TG: variants seen among roughly 807,000 people sequenced by gnomAD.
TG encodes the protein thyroglobulin.
A neutral mutation model predicts 324.7 loss-of-function variants in TG; 270 were observed. The observed-to-expected ratio is 0.83, with a 90% CI of 0.75 to 0.92. TG has a LOEUF of 0.92. Among genes scored for constraint, TG ranks in the 40% least tolerant of loss-of-function variants. The pLI is 0.00. For synonymous variants in TG, 1,401 were observed against 1,327.0 expected (o/e 1.06, Z -1.21); for missense variants, 3,591 against 3,456.4 (o/e 1.04, Z -0.98).
intron 35 of TG, chr8:133,002,224 A>AT: frequency 1.0e-6 from 1 of 985,460 alleles, no homozygotes; most frequent in Non-Finnish European, 1.2e-6. Context: ...CTCACCTGTC[A>AT]TTACCTGCCA....
At chr8:133,126,913 A>G (rs1851566911) in intron 45 of TG, among the ~76,000 whole-genome samples, 1 of 152,070 alleles carries the variant, frequency 6.6e-6, no homozygotes, top group Non-Finnish European at 1.5e-5. Context: ...GCTGGGGATA[A>G]AAAAAAGGGA....
At chr8:132,933,021 C>T (rs530606330) in intron 23 of TG, among the ~76,000 whole-genome samples, 4 of 152,300 alleles carry the variant, frequency 2.6e-5, no homozygotes, top group African/African-American at 9.6e-5. Context: ...TTGTGACCTC[C>T]GTGAGTAAGT....
intron 11 of TG, among the ~76,000 whole-genome samples, chr8:132,895,053 C>T (rs1816901479): frequency 6.6e-6 from 1 of 152,222 alleles, no homozygotes. Context: ...CCTAGCTCTG[C>T]CTCATCCTAG....
chr8:132,893,639 G>C, intron 10 of TG, 51 bp from the exon 11 acceptor site: 4 of 1,612,318 alleles, frequency 2.5e-6, no homozygotes, highest in Non-Finnish European at 3.4e-6. Flanking sequence ...GGGAGTCAGA[G>C]GGAAGTCCAC....
intron 21 of TG, among the ~76,000 whole-genome samples, chr8:132,923,008 G>T (rs1406259346): frequency 6.6e-6 from 1 of 152,186 alleles, no homozygotes; most frequent in African/African-American, 2.4e-5. Flanking sequence ...GCGCAGCAAA[G>T]ACTGGGGGAG....
chr8:132,949,120 T>C (rs1825757264), intron 27 of TG, among the ~76,000 whole-genome samples, 177 bp downstream of exon 27: 1 of 152,064 alleles, frequency 6.6e-6, no homozygotes, highest in South Asian at 2.1e-4. Flanking sequence ...AGCAGAACTC[T>C]ATGGGAAGCA....
chr8:132,892,765 G>T (rs1333670942), intron 10 of TG, among the ~76,000 whole-genome samples: 1 of 151,546 alleles, frequency 6.6e-6, no homozygotes, highest in African/African-American at 2.4e-5. Context: ...TATGTGTGTG[G>T]TATGTGCATA....
At chr8:132,898,392 C>A in intron 13 of TG, 146 bp downstream of exon 13, 1 of 808,396 alleles carries the variant, frequency 1.2e-6, no homozygotes, top group South Asian at 1.5e-5. Context: ...TTCCCAAGTC[C>A]CCAGGCCTGC....
At chr8:132,968,043 A>C (rs1169590898) in intron 31 of TG, 73 bp downstream of exon 31, 7 of 1,542,388 alleles carry the variant, frequency 4.5e-6, no homozygotes, top group Admixed American at 3.6e-5. Flanking sequence ...AGAAAGATCC[A>C]CATTAGTTTC....
intron 27 of TG, among the ~76,000 whole-genome samples, chr8:132,957,374 C>A (rs1220630923): frequency 2.0e-5 from 3 of 152,148 alleles, no homozygotes; most frequent in Admixed American, 2.0e-4. Context: ...TTGAGATGGA[C>A]AGAGTGTATA....
intron 45 of TG, among the ~76,000 whole-genome samples, chr8:133,127,964 C>T (rs978593084): frequency 6.6e-5 from 10 of 152,078 alleles, no homozygotes; most frequent in Non-Finnish European, 1.5e-5. Flanking sequence ...ACAAGTCCAC[C>T]GCGGCCTCCT....
At chr8:133,007,083 T>C (rs1000210100) in intron 35 of TG, among the ~76,000 whole-genome samples, 4 of 152,202 alleles carry the variant, frequency 2.6e-5, no homozygotes, top group Admixed American at 1.3e-4. Flanking sequence ...TTTTGTTGTT[T>C]TAGTTTGGGA....
chr8:133,056,955 G>T (rs1034018708), intron 41 of TG, among the ~76,000 whole-genome samples: 1 of 152,160 alleles, frequency 6.6e-6, no homozygotes, highest in Admixed American at 6.5e-5. Context: ...GTGGGCCTGG[G>T]GTGGGACCCA....
At chr8:133,005,764 AG>A (rs1833966013) in intron 35 of TG, among the ~76,000 whole-genome samples, 1 of 152,142 alleles carries the variant, frequency 6.6e-6, no homozygotes, top group Non-Finnish European at 1.5e-5. Flanking sequence ...TGGCAATATA[AG>A]GGGGCCCTGA....
intron 41 of TG, chr8:133,059,231 T>A (rs1368150091): frequency 1.1e-5 from 5 of 438,060 alleles, no homozygotes; most frequent in Admixed American, 2.5e-5. Flanking sequence ...AATGCTACCA[T>A]GTAAGGTGGG....
At chr8:132,867,528 T>A (rs535951682) in intron 1 of TG, among the ~76,000 whole-genome samples, 93 of 152,016 alleles carry the variant, frequency 6.1e-4, no homozygotes, top group African/African-American at 2.2e-3. Flanking sequence ...CTTCTGTTTT[T>A]TTTTTTTTTT....
At chr8:132,983,624 G>C (rs920210475) in intron 35 of TG, 3 of 615,224 alleles carry the variant, frequency 4.9e-6, no homozygotes. Context: ...GGAATGAAAT[G>C]ATTTGTGGAA....
chr8:133,011,972 G>A lies in TG; in HGVS notation c.6334G>A (p.Val2112Ile), dbSNP rs1587757233. ...TGATCCATCCATTAGGCACTTTGAT[G>A]TTGCCCATGTCAGCACTGCTGCCAC... ...VVDPSIRHFD[V>I]AHVSTAATSN... is the part of the protein sequence containing the mutation. The change falls in exon 36 of 48, where the codon GTT (valine) becomes ATT (isoleucine). Residue 2112 changes from valine (V) to isoleucine (I), a missense_variant. Coordinates refer to ENST00000220616, the MANE Select transcript of TG (RefSeq NM_003235.5). 3 of 1,614,084 alleles carry A rather than the reference G, an allele frequency of 1.9e-6. No individual in the cohort carries two copies. The highest frequency in any genetic ancestry group is 2.7e-5 in the African/African-American group (2 of 74,924).
chr8:133,002,441 G>A, intron 35 of TG: 1 of 980,866 alleles, frequency 1.0e-6, no homozygotes, highest in African/African-American at 1.7e-5. Context: ...ACATCTTTCA[G>A]CAAGAAATAC....
Sources: gnomAD v4.1 joint callset for allele counts (sites outside exome capture counted in the v4.1 genomes callset) on GRCh38, gnomAD v4.1.1 for gene constraint, MANE v1.5 for transcripts, NCBI Gene and HGNC (gene_info 2026-07-23, HGNC 2026-07-21) for gene names.